Variants in SCAPER observed in about 807,000 individuals in gnomAD.
The protein encoded by SCAPER is S-phase cyclin A associated protein in the ER.
A neutral mutation model predicts 182.2 loss-of-function variants in SCAPER; 98 were observed. The ratio of observed to expected loss-of-function variants is 0.54; its 90% CI spans 0.46 to 0.64. The LOEUF is 0.64. Ranked by LOEUF, SCAPER falls within the 30% of genes least tolerant of loss-of-function variation. The pLI is 0.00. For synonymous variants in SCAPER, 605 were observed against 564.6 expected (o/e 1.07, Z -1.01); for missense variants, 1,432 against 1,690.0 (o/e 0.85, Z 2.68).
intron 27 of SCAPER, among the ~76,000 whole-genome samples, chr15:76,386,695 G>T (rs2043314614): frequency 1.3e-5 from 2 of 152,296 alleles, no homozygotes; most frequent in South Asian, 2.1e-4. Context: ...AGGTAAAAGA[G>T]CAGAAGATCC....
Position 76,753,852 on chromosome 15 carries a change from G to C in SCAPER, c.1822C>G (p.Gln608Glu). 6.2e-7 allele frequency: 1 copy of C among 1,612,868 alleles called. No homozygotes were observed. Among genetic ancestry groups the C allele is most frequent in the Non-Finnish European group, 8.5e-7 (1 of 1,179,232 alleles). The part of the protein sequence containing the change: ...LLHAEFKREV[Q>E]LQAIVKKAQE... ...GCTTTTTTCACAATTGCTTGTAACT[G>C]CACTTCTCGCTTAAACTCAGCATGA... The change falls in exon 15 of 32, where the codon CAG (glutamine) becomes GAG (glutamate). Residue 608 changes from glutamine (Q) to glutamate (E), a missense_variant. Transcript: ENST00000563290.
intron 21 of SCAPER, among the ~76,000 whole-genome samples, chr15:76,662,975 TA>T (rs925978611): frequency 5.3e-5 from 8 of 151,956 alleles, no homozygotes; most frequent in Admixed American, 1.3e-4. Flanking sequence ...ATCATTAAAA[TA>T]AAAAAAATTT....
At chr15:76,717,361 T>C (rs1432614880) in intron 17 of SCAPER, among the ~76,000 whole-genome samples, 2 of 152,134 alleles carry the variant, frequency 1.3e-5, no homozygotes, top group Non-Finnish European at 2.9e-5. Flanking sequence ...CTGGTAGAGA[T>C]AAATACTTAG....
At position 76,494,555 on chromosome 15, in the gene SCAPER, T is replaced by C. The variant is rs142139446; in HGVS notation, c.2954+10304A>G. ...ATATCAATGAAATGATATTTTACTT[T>C]TATTAAAATAGTGAAAGTTTTATGT... On this transcript the variant is annotated intron_variant, in intron 24 of 31. Coordinates refer to ENST00000563290, the MANE Select transcript of SCAPER (RefSeq NM_020843.4). Among the ~76,000 whole-genome samples the C allele has an allele frequency of 4.7e-3, 720 of 152,276 alleles. 5 individuals carry two copies. The highest frequency in any genetic ancestry group is 5.9e-3 in the Non-Finnish European group (398 of 67,996).
chr15:76,860,653 G>C (rs959015269), intron 3 of SCAPER, among the ~76,000 whole-genome samples: 3 of 152,096 alleles, frequency 2.0e-5, no homozygotes, highest in Non-Finnish European at 4.4e-5. Flanking sequence ...GAGGCAACTT[G>C]TTAGCTATAA....
chr15:76,670,407 C>A (rs551934168), intron 20 of SCAPER, among the ~76,000 whole-genome samples: 1 of 152,090 alleles, frequency 6.6e-6, no homozygotes, highest in East Asian at 1.9e-4. Context: ...CATGAATATA[C>A]CTATTTTGAG....
intron 26 of SCAPER, among the ~76,000 whole-genome samples, chr15:76,409,633 G>A (rs775214431): frequency 1.3e-5 from 2 of 151,752 alleles, no homozygotes; most frequent in Non-Finnish European, 1.5e-5. Flanking sequence ...ACTAAAATGA[G>A]TTATTGTTTC....
At chr15:76,495,352 T>C (rs542121986) in intron 24 of SCAPER, among the ~76,000 whole-genome samples, 2 of 151,660 alleles carry the variant, frequency 1.3e-5, no homozygotes, top group African/African-American at 4.8e-5. Flanking sequence ...ACGAGGCAGG[T>C]GGATCACCTG....
chr15:76,660,608 A>G (rs2056069279), intron 21 of SCAPER, among the ~76,000 whole-genome samples: 1 of 152,172 alleles, frequency 6.6e-6, no homozygotes, highest in South Asian at 2.1e-4. Flanking sequence ...GATAAAGGAC[A>G]TCTAAAAAAA....
intron 25 of SCAPER, among the ~76,000 whole-genome samples, chr15:76,451,224 A>G (rs387321): frequency 0.12 from 18,568 of 152,230 alleles, 1,551 homozygotes; most frequent in African/African-American, 0.24. Context: ...TTATTGCTAA[A>G]TATTCCACTA....
intron 17 of SCAPER, 24 bp from the exon 18 acceptor site, chr15:76,706,008 T>C (rs2059245352): frequency 6.6e-7 from 1 of 1,508,642 alleles, no homozygotes; most frequent in Non-Finnish European, 8.9e-7. Flanking sequence ...GTAAAAATTA[T>C]AAACTCAACT....
rs544381816 is a variant in SCAPER, at chr15:76,779,848, G to C, written c.773-4731C>G. 2.0e-5 allele frequency among the ~76,000 whole-genome samples: 3 copies of C among 152,146 alleles called. No homozygotes were observed. In the East Asian group the frequency reaches 5.8e-4, roughly 29 times the overall value. ...ATAAACAATTATAAGCTATGACCAA[G>C]TGAAATTTATTTCAGATATGCCATC... On this transcript the variant is annotated intron_variant, in intron 8 of 31. Transcript: ENST00000563290.
chr15:76,858,393 T>C (rs1020660414), intron 3 of SCAPER, among the ~76,000 whole-genome samples: 2 of 152,196 alleles, frequency 1.3e-5, no homozygotes, highest in Admixed American at 1.3e-4. Context: ...TTCTTTTTTA[T>C]AAGAAAGACA....
At chr15:76,718,266 A>G (rs543159051) in intron 17 of SCAPER, among the ~76,000 whole-genome samples, 1 of 152,340 alleles carries the variant, frequency 6.6e-6, no homozygotes, top group African/African-American at 2.4e-5. Context: ...TATGGGTTGC[A>G]GCAAAAGCAG....
intron 17 of SCAPER, among the ~76,000 whole-genome samples, chr15:76,720,276 G>C: frequency 6.6e-6 from 1 of 151,990 alleles, no homozygotes; most frequent in Non-Finnish European, 1.5e-5. Flanking sequence ...TTTTATGGCT[G>C]CATAGTATTC....
At chr15:76,561,294 T>C (rs557779791) in intron 23 of SCAPER, among the ~76,000 whole-genome samples, 2 of 152,316 alleles carry the variant, frequency 1.3e-5, no homozygotes, top group African/African-American at 4.8e-5. Context: ...ATTAAATAAT[T>C]AATGGTCCTA....
intron 23 of SCAPER, among the ~76,000 whole-genome samples, chr15:76,543,137 A>G (rs944827935): frequency 5.3e-5 from 8 of 152,202 alleles, no homozygotes; most frequent in Admixed American, 5.2e-4. Flanking sequence ...ACATGTAGAC[A>G]TTTTGAAAAA....
At chr15:76,673,183 A>T (rs1335044273) in intron 20 of SCAPER, among the ~76,000 whole-genome samples, 1 of 152,148 alleles carries the variant, frequency 6.6e-6, no homozygotes, top group Non-Finnish European at 1.5e-5. Flanking sequence ...TTATTATCAC[A>T]AACCTTTCTG....
chr15:76,891,375 A>C (rs1195194736), intron 1 of SCAPER, among the ~76,000 whole-genome samples: 1 of 152,224 alleles, frequency 6.6e-6, no homozygotes, highest in African/African-American at 2.4e-5. Flanking sequence ...AGAGGAAGTC[A>C]AATTGTCCCT....
Sources: allele counts gnomAD v4.1 joint callset (sites outside exome capture counted in the v4.1 genomes callset), GRCh38; gene constraint gnomAD v4.1.1; transcripts MANE v1.5; gene names NCBI Gene and HGNC (gene_info 2026-07-23, HGNC 2026-07-21).